SYT3: variants seen among roughly 807,000 people sequenced by gnomAD.
SYT3 encodes the protein synaptotagmin-3.
Under a neutral mutation model 50.6 loss-of-function variants are expected in SYT3, and 25 were observed. That is an observed-to-expected ratio of 0.49 (90% confidence interval 0.36 to 0.69). The LOEUF (loss-of-function observed/expected upper bound fraction) is 0.69, where lower values mean the gene tolerates loss of function less well. Ranked by LOEUF, SYT3 falls within the 30% of genes least tolerant of loss-of-function variation. SYT3 has a pLI of 0.00. For missense variants in SYT3, 589 were observed against 793.6 expected (o/e 0.74, Z 3.10); for synonymous variants, 323 against 353.9 (o/e 0.91, Z 0.98).
At chr19:50,651,862 G>A in the SYT3 span, among the ~76,000 whole-genome samples, 45 of 152,124 alleles carry the variant, frequency 3.0e-4, 1 homozygote, top group South Asian at 9.1e-3. Context: ...ACTAGAAATA[G>A]TTCTTATTTC....
At chr19:50,626,791 G>C (rs1285587861) in intron 6 of SYT3, among the ~76,000 whole-genome samples, 1 of 150,364 alleles carries the variant, frequency 6.7e-6, no homozygotes, top group African/African-American at 2.4e-5. Flanking sequence ...GACTCAGAGA[G>C]AGACAGAGGC....
chr19:50,625,776 AGG>A lies in SYT3; in HGVS notation c.1402+119_1402+120del. ...CCCTGGCCCCTCCTCCCTCAGACCC[AGG>A]AGTCCAGATCCCCAGCTCCTCCTCC... On this transcript the variant is annotated intron_variant, in intron 7 of 10. Coordinates refer to ENST00000600079, the MANE Select transcript of SYT3 (RefSeq NM_001160329.2). This position sits in a 1 kb window ranked among gnomAD's most constrained non-coding sequence, Gnocchi z 7.5. The A allele has an allele frequency of 1.7e-5, 10 of 586,784 alleles. 4 individuals carry two copies. The highest frequency in any genetic ancestry group is 3.7e-5 in the South Asian group (2 of 53,946). The allele number at this position is 586,784 out of a possible 1,614,324, so 36.3% of individuals were successfully genotyped here.
chr19:50,641,045 C>G (rs992713109), upstream of SYT3, among the ~76,000 whole-genome samples: 1 of 152,064 alleles, frequency 6.6e-6, no homozygotes, highest in African/African-American at 2.4e-5. Flanking sequence ...GTAGGAGACT[C>G]CATCTCTACA....
chr19:50,646,809 G>A, the SYT3 span, among the ~76,000 whole-genome samples: 1 of 145,882 alleles, frequency 6.9e-6, no homozygotes, highest in Non-Finnish European at 1.5e-5. Flanking sequence ...GTGTGGGAGG[G>A]ATTATTTATT....
the SYT3 span, chr19:50,656,061 A>G: frequency 6.5e-7 from 1 of 1,536,100 alleles, no homozygotes; most frequent in Non-Finnish European, 8.7e-7. Flanking sequence ...AGCCCTCCTT[A>G]TGGACCTGGA....
chr19:50,640,599 G>C (rs1030880771), upstream of SYT3, among the ~76,000 whole-genome samples: 1 of 152,140 alleles, frequency 6.6e-6, no homozygotes, highest in African/African-American at 2.4e-5. Context: ...GACAACTGAG[G>C]CCCATGGAGG....
the SYT3 span, chr19:50,657,920 G>T: frequency 1.0e-5 from 15 of 1,467,916 alleles, no homozygotes; most frequent in Non-Finnish European, 1.3e-5. Flanking sequence ...TGGGGTCTAG[G>T]GTGGTGACTT....
At chr19:50,654,476 T>C in the SYT3 span, among the ~76,000 whole-genome samples, 1 of 149,834 alleles carries the variant, frequency 6.7e-6, no homozygotes, top group African/African-American at 2.5e-5. Flanking sequence ...CTTTTTTGTA[T>C]TTTTAGTAGA....
At chr19:50,638,853 T>G (rs1984577594) in intron 2 of SYT3, among the ~76,000 whole-genome samples, 172 bp downstream of exon 2, 1 of 149,484 alleles carries the variant, frequency 6.7e-6, no homozygotes, top group Non-Finnish European at 1.5e-5. Context: ...GAAGGAGAGG[T>G]GGATGTGGGG....
At chr19:50,648,012 C>T in the SYT3 span, among the ~76,000 whole-genome samples, 2 of 152,094 alleles carry the variant, frequency 1.3e-5, no homozygotes, top group African/African-American at 4.8e-5. Flanking sequence ...TCAAATTGAC[C>T]TAAGCATAAA....
the SYT3 span, among the ~76,000 whole-genome samples, chr19:50,652,982 C>T: frequency 1.5e-3 from 231 of 152,304 alleles, no homozygotes; most frequent in Admixed American, 3.0e-3. Context: ...ATGTGTTAAA[C>T]AACACTACCT....
At chr19:50,640,523 T>C (rs1984643375), upstream of SYT3, among the ~76,000 whole-genome samples, 1 of 152,210 alleles carries the variant, frequency 6.6e-6, no homozygotes, top group South Asian at 2.1e-4. Context: ...TGCTAAGTGC[T>C]TTGAAAGCGT....
the SYT3 span, among the ~76,000 whole-genome samples, chr19:50,647,320 G>T: frequency 6.6e-6 from 1 of 152,098 alleles, no homozygotes; most frequent in Non-Finnish European, 1.5e-5. Context: ...GTCAGTTCCG[G>T]GCACAGAAAG....
In SYT3 at chr19:50,637,211, C is replaced by G; in HGVS notation, c.148+53G>C. On this transcript the variant is annotated intron_variant, in intron 3 of 10. Transcript: ENST00000600079. This position sits in a 1 kb window ranked among gnomAD's most constrained non-coding sequence, Gnocchi z 4.9. ...AAAGCTGAGCAGTTCTGCTCCGAGT[C>G]TCCTGGCCATAGTGCAAGCAGGGGG... The G allele has an allele frequency of 6.3e-7, 1 of 1,594,102 alleles. No homozygotes were observed. The highest frequency in any genetic ancestry group is 1.1e-5 in the South Asian group (1 of 90,274).
chr19:50,623,613 C>CAAAAAAAAAAAAAAAAAAAAAAAAA (rs529397903), intron 9 of SYT3, among the ~76,000 whole-genome samples: 3 of 91,638 alleles, frequency 3.3e-5, no homozygotes, highest in African/African-American at 8.7e-5. Context: ...CCTGTCTCTA[C>CAAAAAAAAAAAAAAAAAAAAAAAAA]AAAAAAAAAA....
intron 6 of SYT3, among the ~76,000 whole-genome samples, chr19:50,628,530 G>C (rs1984156488): frequency 6.6e-6 from 1 of 152,148 alleles, no homozygotes; most frequent in Non-Finnish European, 1.5e-5. Context: ...GAATATGAAA[G>C]AGTTCCAATG....
intron 9 of SYT3, among the ~76,000 whole-genome samples, chr19:50,623,947 G>A (rs1983948625): frequency 6.6e-6 from 1 of 151,098 alleles, no homozygotes. Context: ...AAATGTATGT[G>A]CCCTCATATA....
At chr19:50,654,911 T>C in the SYT3 span, among the ~76,000 whole-genome samples, 3 of 152,226 alleles carry the variant, frequency 2.0e-5, no homozygotes, top group African/African-American at 7.2e-5. Context: ...TGGGACATCT[T>C]GGCTTGGTGA....
the SYT3 span, among the ~76,000 whole-genome samples, chr19:50,648,521 G>C: frequency 6.6e-6 from 1 of 152,136 alleles, no homozygotes; most frequent in Middle Eastern, 3.4e-3. Flanking sequence ...CAGACCCAGA[G>C]AAAGGGATGC....
Sources: gnomAD v4.1 joint callset for allele counts (sites outside exome capture counted in the v4.1 genomes callset) on GRCh38, gnomAD v4.1.1 for gene constraint, Gnocchi (gnomAD v3.1) non-coding constraint, MANE v1.5 for transcripts, NCBI Gene and HGNC (gene_info 2026-07-23, HGNC 2026-07-21) for gene names.